Variants in PHIP observed in about 807,000 individuals in gnomAD.
The protein encoded by PHIP is PH-interacting protein.
A neutral mutation model predicts 236.8 loss-of-function variants in PHIP; 54 were observed. That is an observed-to-expected ratio of 0.23 (90% confidence interval 0.18 to 0.29). The LOEUF (loss-of-function observed/expected upper bound fraction) is 0.29. Ranked by LOEUF, PHIP falls within the 10% of genes least tolerant of loss-of-function variation. PHIP has a pLI of 1.00. For synonymous variants in PHIP, 756 were observed against 718.9 expected (o/e 1.05, Z -0.83); for missense variants, 1,370 against 2,190.8 (o/e 0.63, Z 7.48).
In PHIP at chr6:78,965,092, A is replaced by G. The variant is rs537783768; in HGVS notation, c.3379+611T>C. On this transcript the variant is annotated intron_variant, in intron 29 of 39. Coordinates refer to ENST00000275034, the MANE Select transcript of PHIP (RefSeq NM_017934.7). Reference sequence around the variant, plus strand: ...TATTAAATCCTGAATGTGTCAGGCCATATGCATAATGACAGTTATATTATC... The same window carrying G: ...TATTAAATCCTGAATGTGTCAGGCCGTATGCATAATGACAGTTATATTATC... Among the ~76,000 whole-genome samples, 13 of 152,286 alleles carry G rather than the reference A, an allele frequency of 8.5e-5. 1 individual carries two copies. The South Asian group carries it at 2.7e-3, about 32-fold the overall frequency.
rs1215897736 is a variant in PHIP, at chr6:78,935,000, T to G, written c.*5693A>C. Among the ~76,000 whole-genome samples, 1 of 152,190 alleles carries G rather than the reference T, an allele frequency of 6.6e-6. No homozygotes were observed. The highest frequency in any genetic ancestry group is 1.5e-5 in the Non-Finnish European group (1 of 68,032). On this transcript the variant is annotated 3_prime_UTR_variant, in exon 40 of 40. Coordinates refer to ENST00000275034, the MANE Select transcript of PHIP (RefSeq NM_017934.7). ...TTGATTACAAACACGAAGTACTATA[T>G]TGCAAGGAACAGAGGTTTTGTGCTT... is the stretch of plus-strand genomic sequence containing the variant.
rs1773383415 is a variant in PHIP at position 78,939,346 on chromosome 6, C to T, written c.*1347G>A. The T allele has an allele frequency of 6.6e-6, 1 of 151,606 alleles. No individual in the cohort carries two copies. Among genetic ancestry groups the T allele is most frequent in the African/African-American group, 2.4e-5 (1 of 41,368 alleles). 9.4% of individuals were successfully genotyped at this position (151,606 alleles called of 1,614,324 possible). A position where few individuals can be genotyped will look rare whatever the true frequency, so the allele number is the denominator to read the frequency against. Reference sequence around the variant, plus strand: ...TTTAGGGTGTATATTGACATACCAGCATGATAAGGATACCGTAAAAAGTGC... The same window carrying T: ...TTTAGGGTGTATATTGACATACCAGTATGATAAGGATACCGTAAAAAGTGC... On this transcript the variant is annotated 3_prime_UTR_variant, in exon 40 of 40. Transcript: ENST00000275034.
rs1011731277 is a variant in PHIP, at chr6:79,017,541, C to T, written c.1037G>A (p.Arg346Gln). Residue 346 changes from arginine to glutamine, a missense_variant, in exon 11 of 40, where the codon CGG becomes CAG. By Grantham distance (43) the Arg-to-Gln change is conservative (BLOSUM62 1). Transcript: ENST00000275034. The part of the protein sequence containing the change: ...LATGSTDHII[R>Q]VYFFGSGQPE... Reference sequence around the variant, plus strand: ...CTGACCTGATCCAAAAAAATAAACCCGAATAATATGATCTGTGCTTCCCGT... The same window carrying T: ...CTGACCTGATCCAAAAAAATAAACCTGAATAATATGATCTGTGCTTCCCGT... 5.0e-6 allele frequency: 8 copies of T among 1,612,008 alleles called. No homozygotes were observed. The African/African-American group carries it at 8.0e-5, about 16-fold the overall frequency.
At chr6:78,997,385 G>C (rs1769689126) in intron 19 of PHIP, 29 bp downstream of exon 19, 4 of 1,593,790 alleles carry the variant, frequency 2.5e-6, no homozygotes, top group Non-Finnish European at 2.6e-6. Context: ...AAGGAACTAT[G>C]GTACATAAAA....
intron 19 of PHIP, 72 bp downstream of exon 19, chr6:78,997,341 CA>C: frequency 7.7e-7 from 1 of 1,295,184 alleles, no homozygotes; most frequent in South Asian, 1.3e-5. Flanking sequence ...CTGAAAATAA[CA>C]GCTGTGAATG....
chr6:79,056,675 C>G (rs564166860), intron 6 of PHIP, among the ~76,000 whole-genome samples: 1 of 152,194 alleles, frequency 6.6e-6, no homozygotes, highest in East Asian at 1.9e-4. Context: ...CTGCCTACAT[C>G]CAGGAATTAT....
In PHIP at chr6:78,985,200, T is replaced by C. The variant is rs915342187; in HGVS notation, c.2537+152A>G. ...AAAAAATTATTTTCTATAGAGAACA[T>C]ATATCAGAAAATCTACATTTCATAC... On this transcript the variant is annotated intron_variant, in intron 22 of 39. Transcript: ENST00000275034. 114 of 602,530 alleles carry C rather than the reference T, an allele frequency of 1.9e-4. 1 individual carries two copies. Among genetic ancestry groups the C allele is most frequent in the Non-Finnish European group, 3.0e-4 (101 of 334,608 alleles). The allele number at this position is 602,530 out of a possible 1,614,324, so 37.3% of individuals were successfully genotyped here. A position where few individuals can be genotyped will look rare whatever the true frequency, so the allele number is the denominator to read the frequency against.
chr6:79,070,852 T>C (rs548766032), intron 4 of PHIP, among the ~76,000 whole-genome samples: 1 of 152,210 alleles, frequency 6.6e-6, no homozygotes, highest in South Asian at 2.1e-4. Flanking sequence ...ATTTTAAAAA[T>C]TTTTTATGTA....
chr6:79,077,621 C>CCGGCGGCGG, intron 3 of PHIP, 79 bp downstream of exon 3: 2 of 891,802 alleles, frequency 2.2e-6, no homozygotes, highest in Non-Finnish European at 2.7e-6. Context: ...CCGCGCCCTG[C>CCGGCGGCGG]CGGCGGCGGC....
intron 7 of PHIP, among the ~76,000 whole-genome samples, chr6:79,026,717 G>A (rs1308192098): frequency 1.3e-5 from 2 of 151,866 alleles, no homozygotes; most frequent in South Asian, 4.2e-4. Context: ...CTCTGCCATA[G>A]TAGTGTAAGT....
intron 7 of PHIP, among the ~76,000 whole-genome samples, chr6:79,034,337 A>G (rs1402664121): frequency 6.6e-6 from 1 of 152,198 alleles, no homozygotes; most frequent in Non-Finnish European, 1.5e-5. Flanking sequence ...TGTTCTCATG[A>G]AGAAAAGTTC....
chr6:79,042,416 T>C (rs527351892), intron 7 of PHIP, among the ~76,000 whole-genome samples: 1 of 152,140 alleles, frequency 6.6e-6, no homozygotes, highest in African/African-American at 2.4e-5. Context: ...AAATTTCTCA[T>C]AGACAAGCAA....
At chr6:79,077,153 C>T (rs977665534) in intron 4 of PHIP, among the ~76,000 whole-genome samples, 1 of 151,892 alleles carries the variant, frequency 6.6e-6, no homozygotes, top group Non-Finnish European at 1.5e-5. Context: ...CGGACGCGCG[C>T]GCCGGCCCCT....
intron 4 of PHIP, 102 bp downstream of exon 4, chr6:79,077,346 C>T (rs1774222112): frequency 8.9e-7 from 1 of 1,117,852 alleles, no homozygotes; most frequent in Non-Finnish European, 1.3e-6. Context: ...GGAGCTTTCA[C>T]GTTCTAGGGC....
At chr6:78,993,412 T>A (rs548303411) in intron 19 of PHIP, among the ~76,000 whole-genome samples, 23 of 152,230 alleles carry the variant, frequency 1.5e-4, no homozygotes, top group African/African-American at 5.5e-4. Context: ...GAAGATATCA[T>A]CTGGACTTTC....
intron 19 of PHIP, among the ~76,000 whole-genome samples, chr6:78,991,379 T>C (rs1769236347): frequency 6.6e-6 from 1 of 151,802 alleles, no homozygotes; most frequent in Non-Finnish European, 1.5e-5. Flanking sequence ...CTGGAATCTC[T>C]TTAAAAATTC....
At chr6:79,005,776 T>A (rs72902895) in intron 15 of PHIP, among the ~76,000 whole-genome samples, 1 of 152,002 alleles carries the variant, frequency 6.6e-6, no homozygotes, top group African/African-American at 2.4e-5. Flanking sequence ...AAGCATGGTA[T>A]CCTTCATGTG....
rs192586227 is a variant in PHIP at position 79,048,946 on chromosome 6, T to A, written c.440-5943A>T. Among the ~76,000 whole-genome samples the A allele has an allele frequency of 3.1e-3, 476 of 152,320 alleles. 3 individuals are homozygous for A. The highest frequency in any genetic ancestry group is 0.011 in the African/African-American group (442 of 41,572). ...ACAAGAATATGTAACTCGGAAGGTA[T>A]CTCAGTAAAATTTGGGCCTTTTCTG... is the stretch of plus-strand genomic sequence containing the variant. On this transcript the variant is annotated intron_variant, in intron 6 of 39. Transcript: ENST00000275034.
chr6:79,012,339 T>C (rs1174852993), intron 15 of PHIP, among the ~76,000 whole-genome samples: 1 of 151,782 alleles, frequency 6.6e-6, no homozygotes, highest in East Asian at 1.9e-4. Context: ...CCTTATTTTC[T>C]AGCTGTAGGT....
Sources: gnomAD v4.1 joint callset for allele counts (sites outside exome capture counted in the v4.1 genomes callset) on GRCh38, gnomAD v4.1.1 for gene constraint, MANE v1.5 for transcripts, NCBI Gene and HGNC (gene_info 2026-07-23, HGNC 2026-07-21) for gene names.